Variants in VPS41 observed in about 807,000 individuals in gnomAD.
The protein encoded by VPS41 is VPS41 subunit of HOPS complex, also known as vacuolar protein sorting-associated protein 41 homolog.
Under a neutral mutation model 130.9 loss-of-function variants are expected in VPS41, and 85 were observed. That is an observed-to-expected ratio of 0.65 (90% confidence interval 0.55 to 0.78). The LOEUF is 0.78. VPS41 is among the 30% of genes least tolerant of loss of function. VPS41 has a pLI of 0.00. For synonymous variants in VPS41, 335 were observed against 332.9 expected (o/e 1.01, Z -0.07); for missense variants, 874 against 1,018.7 (o/e 0.86, Z 1.93).
chr7:38,869,370 C>A, intron 2 of VPS41, 117 bp from the exon 3 acceptor site: 1 of 654,312 alleles, frequency 1.5e-6, no homozygotes, highest in Non-Finnish European at 2.6e-6. Context: ...TTAATAATTC[C>A]AACTACAGCT....
At chr7:38,795,373 G>T in intron 9 of VPS41, 92 bp downstream of exon 9, 1 of 1,103,344 alleles carries the variant, frequency 9.1e-7, no homozygotes, top group Non-Finnish European at 1.3e-6. Context: ...AAAGATTTGG[G>T]TCCTAGAAGC....
chr7:38,871,640 A>G (rs1318217668), intron 2 of VPS41, among the ~76,000 whole-genome samples: 7 of 152,236 alleles, frequency 4.6e-5, no homozygotes, highest in Non-Finnish European at 4.4e-5. Flanking sequence ...AATACCTTCT[A>G]TAACACACTC....
intron 10 of VPS41, among the ~76,000 whole-genome samples, chr7:38,783,705 G>A (rs192441716): frequency 1.3e-5 from 2 of 152,034 alleles, no homozygotes; most frequent in African/African-American, 2.4e-5. Context: ...AAATGGTGTG[G>A]ATAACATGAG....
chr7:38,809,227 G>A (rs529795004), intron 7 of VPS41, among the ~76,000 whole-genome samples: 60 of 151,532 alleles, frequency 4.0e-4, no homozygotes, highest in African/African-American at 1.4e-3. Flanking sequence ...GCTGACGCCT[G>A]TAATCCTAGC....
At chr7:38,877,844 T>C (rs897050824) in intron 2 of VPS41, among the ~76,000 whole-genome samples, 3 of 152,146 alleles carry the variant, frequency 2.0e-5, no homozygotes, top group African/African-American at 7.2e-5. Flanking sequence ...GAACAAAAGG[T>C]ATTCAGATGA....
chr7:38,894,110 T>C (rs1000320516), intron 2 of VPS41, among the ~76,000 whole-genome samples: 1 of 152,116 alleles, frequency 6.6e-6, no homozygotes, highest in Non-Finnish European at 1.5e-5. Flanking sequence ...GGTAGAAATA[T>C]ATAAGGAAAA....
chr7:38,889,107 T>TAA (rs34928108), intron 2 of VPS41, among the ~76,000 whole-genome samples: 1 of 147,764 alleles, frequency 6.8e-6, no homozygotes, highest in African/African-American at 2.5e-5. Flanking sequence ...AAGTATAATT[T>TAA]AAAAAAAAAA....
At position 38,728,585 on chromosome 7, in the gene VPS41, C is replaced by T. The variant is rs765051922; in HGVS notation, c.2361G>A (p.Glu787=). 1.2e-6 allele frequency: 2 copies of T among 1,613,980 alleles called. No homozygotes were observed. The highest frequency in any genetic ancestry group is 1.7e-5 in the Admixed American group (1 of 60,000). The change falls in exon 27 of 29, where the codon GAG becomes GAA. Residue 787 remains glutamate (E), a splice_region_variant and synonymous_variant. Transcript: ENST00000310301. ...RTQMKGVLVD[E]ENICESCLSP... is the part of the protein sequence containing the mutation. The stretch of plus-strand genomic sequence containing the variant: ...AAAGGCACGACTCACAGATGTTCTC[C>T]TCTGTAAGAAAACACACATACTTTG...
chr7:38,875,645 C>T (rs1786476402), intron 2 of VPS41, among the ~76,000 whole-genome samples: 1 of 152,076 alleles, frequency 6.6e-6, no homozygotes, highest in African/African-American at 2.4e-5. Context: ...TTCTGGTTTC[C>T]ATTAATAACA....
chr7:38,814,758 T>G (rs1311337452), intron 7 of VPS41, among the ~76,000 whole-genome samples: 1 of 152,240 alleles, frequency 6.6e-6, no homozygotes. Flanking sequence ...ATCTCTGGTA[T>G]GTTCTTTTAT....
chr7:38,869,384 G>C, intron 2 of VPS41, 131 bp from the exon 3 acceptor site: 2 of 604,254 alleles, frequency 3.3e-6, no homozygotes, highest in Non-Finnish European at 2.9e-6. Context: ...TACAGCTAAA[G>C]GTTAAAATCT....
intron 4 of VPS41, among the ~76,000 whole-genome samples, chr7:38,853,959 G>A (rs868032518): frequency 3.9e-5 from 6 of 152,148 alleles, no homozygotes; most frequent in South Asian, 2.1e-4. Flanking sequence ...ACTTTGGTGC[G>A]TAGAAGCCAT....
At chr7:38,813,715 T>C (rs1259248899) in intron 7 of VPS41, among the ~76,000 whole-genome samples, 1 of 152,212 alleles carries the variant, frequency 6.6e-6, no homozygotes, top group Non-Finnish European at 1.5e-5. Context: ...TCTTTTAAAT[T>C]ATTTTAGTCC....
At chr7:38,906,641 C>T (rs1033275473) in intron 1 of VPS41, among the ~76,000 whole-genome samples, 2 of 152,044 alleles carry the variant, frequency 1.3e-5, no homozygotes, top group South Asian at 2.1e-4. Flanking sequence ...GCCTGGTCCA[C>T]GACTAGTCTT....
intron 2 of VPS41, among the ~76,000 whole-genome samples, chr7:38,870,771 AAGAC>A (rs1457014387): frequency 1.3e-5 from 2 of 149,528 alleles, no homozygotes; most frequent in Non-Finnish European, 3.0e-5. Flanking sequence ...AAAACAGAAA[AAGAC>A]AGAAAGCTGA....
At chr7:38,862,740 A>G (rs920721058) in intron 3 of VPS41, 118 bp from the exon 4 acceptor site, 10 of 618,918 alleles carry the variant, frequency 1.6e-5, no homozygotes, top group Non-Finnish European at 2.8e-5. Flanking sequence ...CAATGTCTCA[A>G]AAGATATGCA....
chr7:38,883,945 G>A (rs922312445), intron 2 of VPS41, among the ~76,000 whole-genome samples: 16 of 152,166 alleles, frequency 1.1e-4, no homozygotes, highest in African/African-American at 3.4e-4. Context: ...TTAAATGAAA[G>A]AGCAAGTTTG....
chr7:38,779,749 T>G (rs547385520), intron 10 of VPS41, among the ~76,000 whole-genome samples: 2 of 152,306 alleles, frequency 1.3e-5, no homozygotes, highest in South Asian at 2.1e-4. Context: ...AAAATGAACA[T>G]GAAGGTATAA....
chr7:38,756,039 T>C (rs538087204), intron 19 of VPS41, among the ~76,000 whole-genome samples: 2 of 152,348 alleles, frequency 1.3e-5, no homozygotes, highest in African/African-American at 2.4e-5. Context: ...TGGAGATTAA[T>C]ATAGCACACA....
Sources: allele counts gnomAD v4.1 joint callset (sites outside exome capture counted in the v4.1 genomes callset), GRCh38; gene constraint gnomAD v4.1.1; transcripts MANE v1.5; gene names NCBI Gene and HGNC (gene_info 2026-07-23, HGNC 2026-07-21).